PRKG1: variants seen among roughly 807,000 people sequenced by gnomAD.
The protein encoded by PRKG1 is cGMP-dependent protein kinase 1.
In PRKG1, 35 loss-of-function variants were observed where a neutral mutation model predicts 88.1. The ratio of observed to expected loss-of-function variants is 0.40; its 90% confidence interval spans 0.30 to 0.53. The LOEUF is 0.53. Among genes scored for constraint, PRKG1 ranks in the 20% least tolerant of loss-of-function variants. The probability of loss-of-function intolerance (pLI) is 0.59; values close to 1 mark genes in which losing one functional copy is unlikely to be tolerated. For synonymous variants in PRKG1, 303 were observed against 292.5 expected, an observed-to-expected ratio of 1.04 and a Z score of -0.37; for missense variants, 540 against 839.8, an observed-to-expected ratio of 0.64 and a Z score of 4.41.
At chr10:51,203,718 C>G (rs1211034848) in intron 2 of PRKG1, among the ~76,000 whole-genome samples, 1 of 152,144 alleles carries the variant, frequency 6.6e-6, no homozygotes, top group South Asian at 2.1e-4. Flanking sequence ...ATCTGTAAGG[C>G]AATATTTTCT....
At chr10:52,099,304 C>T (rs1847243611) in intron 7 of PRKG1, among the ~76,000 whole-genome samples, 1 of 152,246 alleles carries the variant, frequency 6.6e-6, no homozygotes, top group South Asian at 2.1e-4. Context: ...AACGCTTAAA[C>T]ACTGCTCTTC....
chr10:51,220,010 G>A (rs1309088385), intron 2 of PRKG1, among the ~76,000 whole-genome samples: 1 of 152,202 alleles, frequency 6.6e-6, no homozygotes, highest in Non-Finnish European at 1.5e-5. Flanking sequence ...CTTATAAGCA[G>A]AGAACTTTAC....
chr10:51,772,387 G>T (rs1041909071), intron 3 of PRKG1, among the ~76,000 whole-genome samples: 7 of 151,862 alleles, frequency 4.6e-5, no homozygotes, highest in Non-Finnish European at 7.4e-5. Flanking sequence ...TAGAAATAGG[G>T]TATTTAATTA....
At chr10:52,274,534 T>TACAC (rs3031885) in intron 12 of PRKG1, among the ~76,000 whole-genome samples, 2 of 149,888 alleles carry the variant, frequency 1.3e-5, no homozygotes, top group Non-Finnish European at 1.5e-5. Context: ...TATATATATA[T>TACAC]ACACACACAC....
intron 3 of PRKG1, among the ~76,000 whole-genome samples, chr10:51,749,758 C>T (rs1355515938): frequency 1.3e-5 from 2 of 151,992 alleles, no homozygotes; most frequent in Non-Finnish European, 2.9e-5. Context: ...CTAGATTTTC[C>T]CTGGAAGAAT....
intron 2 of PRKG1, among the ~76,000 whole-genome samples, chr10:51,279,801 C>T (rs961970614): frequency 6.6e-6 from 1 of 152,200 alleles, no homozygotes; most frequent in African/African-American, 2.4e-5. Context: ...GAATACAGCA[C>T]ACTGATGGGT....
intron 10 of PRKG1, among the ~76,000 whole-genome samples, chr10:52,267,770 T>C (rs541374885): frequency 6.6e-6 from 1 of 152,232 alleles, no homozygotes; most frequent in Non-Finnish European, 1.5e-5. Context: ...TTTTCCGTAA[T>C]GTTAAATATA....
intron 2 of PRKG1, among the ~76,000 whole-genome samples, chr10:51,433,749 CAAT>C (rs1374061894): frequency 6.6e-6 from 1 of 152,090 alleles, no homozygotes; most frequent in Non-Finnish European, 1.5e-5. Flanking sequence ...ATAAATAAAA[CAAT>C]GTTTTAAATT....
intron 1 of PRKG1, among the ~76,000 whole-genome samples, chr10:51,134,078 C>T (rs1014794245): frequency 1.3e-5 from 2 of 152,108 alleles, no homozygotes; most frequent in African/African-American, 2.4e-5. Context: ...AAACTGAATT[C>T]AAAATTTTAA....
At chr10:51,001,129 A>G (rs1313134784) in intron 1 of PRKG1, among the ~76,000 whole-genome samples, 2 of 152,124 alleles carry the variant, frequency 1.3e-5, no homozygotes, top group Non-Finnish European at 2.9e-5. Context: ...AGATTTATAA[A>G]CTCTCTTGCC....
chr10:51,044,229 G>T (rs181685602), intron 1 of PRKG1, among the ~76,000 whole-genome samples: 63 of 152,200 alleles, frequency 4.1e-4, no homozygotes, highest in African/African-American at 1.4e-3. Flanking sequence ...GTGCCCCAGT[G>T]CTTCCCCTCA....
chr10:52,150,183 A>AATAATTATTATTATTATTATT (rs1554810290), intron 8 of PRKG1, among the ~76,000 whole-genome samples: 13 of 147,976 alleles, frequency 8.8e-5, no homozygotes, highest in Admixed American at 1.3e-4. Context: ...TAATAATAAT[A>AATAATTATTATTATTATTATT]ATTTGATTGG....
chr10:51,189,078 A>G (rs1589230403), intron 2 of PRKG1, among the ~76,000 whole-genome samples: 1 of 151,926 alleles, frequency 6.6e-6, no homozygotes, highest in East Asian at 1.9e-4. Flanking sequence ...TGCTATCATG[A>G]GGTGACAAGG....
intron 2 of PRKG1, among the ~76,000 whole-genome samples, chr10:51,201,844 A>C (rs1273961121): frequency 3.3e-5 from 5 of 152,220 alleles, no homozygotes; most frequent in Non-Finnish European, 7.3e-5. Context: ...GTGAGAAATA[A>C]ATGTCTGTTG....
At chr10:52,239,227 C>T (rs1408279243) in intron 9 of PRKG1, among the ~76,000 whole-genome samples, 1 of 135,858 alleles carries the variant, frequency 7.4e-6, no homozygotes, top group Non-Finnish European at 1.6e-5. Flanking sequence ...TGCTAGATGA[C>T]AAGTTAGTGG....
chr10:52,158,122 T>G (rs1838176128), intron 8 of PRKG1, among the ~76,000 whole-genome samples: 1 of 151,772 alleles, frequency 6.6e-6, no homozygotes, highest in Non-Finnish European at 1.5e-5. Context: ...AGAAATTTGG[T>G]ATTTTATTTT....
Position 51,205,127 on chromosome 10 carries a change from CTTTT to C in PRKG1, c.478+51824_478+51827del, listed in dbSNP as rs58176913. On this transcript the variant is annotated intron_variant, in intron 2 of 17. Coordinates refer to ENST00000373980, the MANE Select transcript of PRKG1 (RefSeq NM_006258.4). ...TAAGGAAGAATTTTCATTTTCTTTT[CTTTT>C]TTTTTTTTTTTTTTTTTTTTTTTTT... 2.3e-3 allele frequency among the ~76,000 whole-genome samples: 145 copies of C among 64,008 alleles called. 17 individuals carry two copies. The highest frequency in any genetic ancestry group is 6.6e-3 in the African/African-American group (114 of 17,274). The allele number at this position is 64,008 out of a possible 152,430, so 42.0% of individuals were successfully genotyped here.
At chr10:51,615,830 T>C (rs557766770) in intron 3 of PRKG1, among the ~76,000 whole-genome samples, 53 of 152,288 alleles carry the variant, frequency 3.5e-4, no homozygotes, top group African/African-American at 1.3e-3. Flanking sequence ...TTGTTTTCGA[T>C]TGAGATCTGT....
At chr10:51,228,800 C>A (rs1482664635) in intron 2 of PRKG1, among the ~76,000 whole-genome samples, 3 of 152,154 alleles carry the variant, frequency 2.0e-5, no homozygotes, top group African/African-American at 7.2e-5. Flanking sequence ...CCTTTCAATG[C>A]CTCCCACTTT....
Sources: gnomAD v4.1 joint callset for allele counts (sites outside exome capture counted in the v4.1 genomes callset) on GRCh38, gnomAD v4.1.1 for gene constraint, MANE v1.5 for transcripts, NCBI Gene and HGNC (gene_info 2026-07-23, HGNC 2026-07-21) for gene names.